Variants in MORC1 observed in about 807,000 individuals in gnomAD.
The protein encoded by MORC1 is MORC family CW-type zinc finger protein 1.
A neutral mutation model predicts 134.9 loss-of-function variants in MORC1; 59 were observed. That is an observed-to-expected ratio of 0.44 (90% CI 0.35 to 0.54). The LOEUF is 0.54. Among genes scored for constraint, MORC1 ranks in the 20% least tolerant of loss-of-function variants. The pLI is 0.00. For synonymous variants in MORC1, 395 were observed against 391.7 expected (o/e 1.01, Z -0.10); for missense variants, 947 against 1,134.5 (o/e 0.83, Z 2.37).
At chr3:109,099,581 T>G in intron 5 of MORC1, 115 bp from the exon 6 acceptor site, 2 of 737,296 alleles carry the variant, frequency 2.7e-6, no homozygotes, top group Non-Finnish European at 4.0e-6. Flanking sequence ...CACTCTGTTC[T>G]GCTGACCCGT....
chr3:109,049,270 G>T, intron 14 of MORC1: 2 of 318,678 alleles, frequency 6.3e-6, no homozygotes, highest in Non-Finnish European at 9.1e-6. Context: ...CATTGTCTAT[G>T]TTTTAAGGAA....
rs5851640 is a variant in MORC1, at chr3:109,072,966, T to C, written c.690-3209A>G. ...ACACACACACACACACACACACACA[T>C]ACACACACACACACACACAGTCACA... On this transcript the variant is annotated intron_variant, in intron 8 of 27. Transcript: ENST00000232603. Among the ~76,000 whole-genome samples, 593 of 136,820 alleles carry C rather than the reference T, an allele frequency of 4.3e-3. 10 individuals carry two copies. Among genetic ancestry groups the C allele is most frequent in the African/African-American group, 0.016 (471 of 29,350 alleles). 89.8% of individuals were successfully genotyped at this position (136,820 alleles called of 152,430 possible).
intron 17 of MORC1, chr3:109,019,043 T>C (rs900356708): frequency 6.6e-6 from 1 of 152,178 alleles, no homozygotes; most frequent in Non-Finnish European, 1.5e-5. Context: ...TCCTCGTGGT[T>C]TCCTGTGCCC....
rs1375972404 is a variant in MORC1 at position 109,005,391 on chromosome 3, C to T, written c.1768-76G>A. ...AATTAATCACCACTTCTCTCATAAC[C>T]TCATTATAATAGGTATTTCTTATTA... On this transcript the variant is annotated intron_variant, in intron 18 of 27. Transcript: ENST00000232603. The T allele has an allele frequency of 5.9e-6, 8 of 1,352,996 alleles. No homozygotes were observed. The South Asian group carries it at 7.7e-5, about 13-fold the overall frequency. The allele number at this position is 1,352,996 out of a possible 1,614,324, so 83.8% of individuals were successfully genotyped here.
At chr3:109,024,238 G>A (rs1331644359) in intron 17 of MORC1, among the ~76,000 whole-genome samples, 1 of 152,116 alleles carries the variant, frequency 6.6e-6, no homozygotes, top group Non-Finnish European at 1.5e-5. Context: ...TATGGTGCTG[G>A]AATTGGGCAA....
At chr3:109,060,519 CA>C in intron 11 of MORC1, among the ~76,000 whole-genome samples, 1 of 151,826 alleles carries the variant, frequency 6.6e-6, no homozygotes, top group Non-Finnish European at 1.5e-5. Flanking sequence ...AGCCTCTTAA[CA>C]TGCTTCATTC....
At chr3:109,059,658 A>G in intron 12 of MORC1, 148 bp downstream of exon 12, 2 of 566,392 alleles carry the variant, frequency 3.5e-6, no homozygotes, top group Non-Finnish European at 6.1e-6. Context: ...TGGTTGTGGG[A>G]ACTTGACTAT....
At chr3:108,987,209 T>A (rs932516822) in intron 21 of MORC1, among the ~76,000 whole-genome samples, 2 of 152,202 alleles carry the variant, frequency 1.3e-5, no homozygotes, top group African/African-American at 2.4e-5. Context: ...TCTACTAATA[T>A]TTGTGCAGAT....
At chr3:108,968,273 A>T (rs1165987093) in intron 26 of MORC1, among the ~76,000 whole-genome samples, 1 of 152,248 alleles carries the variant, frequency 6.6e-6, no homozygotes, top group African/African-American at 2.4e-5. Flanking sequence ...TTTTCAGTTG[A>T]ACAGTAATGG....
Position 108,958,930 on chromosome 3 carries a change from A to G in MORC1, c.*35T>C. The G allele has an allele frequency of 7.3e-7, 1 of 1,369,772 alleles. No homozygotes were observed. 84.9% of individuals were successfully genotyped at this position (1,369,772 alleles called of 1,614,324 possible). A position where few individuals can be genotyped will look rare whatever the true frequency, so the allele number is the denominator to read the frequency against. On this transcript the variant is annotated 3_prime_UTR_variant, in exon 28 of 28. Transcript: ENST00000232603. Reference sequence around the variant, plus strand: ...TTTAAAAGAATCTTCCAATTTTCTTATTAGCATTTTTTAAAAGGTAATACC... The same window carrying G: ...TTTAAAAGAATCTTCCAATTTTCTTGTTAGCATTTTTTAAAAGGTAATACC...
chr3:108,998,911 C>T (rs891180357), intron 21 of MORC1, among the ~76,000 whole-genome samples: 2 of 152,118 alleles, frequency 1.3e-5, no homozygotes, highest in African/African-American at 4.8e-5. Flanking sequence ...TAAATATAAA[C>T]ATCATCTCTA....
chr3:109,033,436 A>C (rs1188302806), intron 15 of MORC1, among the ~76,000 whole-genome samples: 2 of 152,046 alleles, frequency 1.3e-5, no homozygotes, highest in Non-Finnish European at 2.9e-5. Flanking sequence ...TGATTTCTTC[A>C]CCCACTTTCC....
intron 8 of MORC1, among the ~76,000 whole-genome samples, chr3:109,078,553 G>A (rs187973990): frequency 1.1e-3 from 171 of 151,704 alleles, no homozygotes; most frequent in African/African-American, 5.1e-4. Flanking sequence ...ATTATATAAC[G>A]CAGAGGAGAA....
chr3:109,063,313 T>C (rs895738), intron 9 of MORC1, 82 bp from the exon 10 acceptor site: 478,636 of 851,354 alleles, frequency 0.56, 142,344 homozygotes, highest in East Asian at 0.92. Context: ...TAAGACTATA[T>C]GCTCCAGAGA....
intron 17 of MORC1, among the ~76,000 whole-genome samples, chr3:109,025,566 A>G (rs375440607): frequency 1.1e-3 from 172 of 151,582 alleles, no homozygotes; most frequent in African/African-American, 4.0e-3. Flanking sequence ...TATTTTCTGT[A>G]GAGATGATGT....
At chr3:108,974,243 A>G (rs1947486211) in intron 24 of MORC1, among the ~76,000 whole-genome samples, 1 of 152,156 alleles carries the variant, frequency 6.6e-6, no homozygotes, top group Admixed American at 6.5e-5. Flanking sequence ...AAACACAAAC[A>G]CACAGGCCTT....
intron 16 of MORC1, among the ~76,000 whole-genome samples, chr3:109,029,770 T>G (rs1949195208): frequency 6.6e-6 from 1 of 152,198 alleles, no homozygotes; most frequent in South Asian, 2.1e-4. Flanking sequence ...GTAAGATGTA[T>G]TTTGTCCACT....
intron 3 of MORC1, among the ~76,000 whole-genome samples, chr3:109,106,319 C>T (rs189113872): frequency 2.0e-5 from 3 of 152,144 alleles, no homozygotes; most frequent in African/African-American, 4.8e-5. Flanking sequence ...CTTCAGTAAA[C>T]GGCTGGGAAA....
intron 12 of MORC1, among the ~76,000 whole-genome samples, chr3:109,059,510 T>G (rs1004858515): frequency 9.2e-5 from 14 of 152,172 alleles, no homozygotes; most frequent in Non-Finnish European, 1.3e-4. Flanking sequence ...TCACTTTCAC[T>G]TCCTCATCCA....
Sources: gnomAD v4.1 joint callset for allele counts (sites outside exome capture counted in the v4.1 genomes callset) on GRCh38, gnomAD v4.1.1 for gene constraint, MANE v1.5 for transcripts, NCBI Gene and HGNC (gene_info 2026-07-23, HGNC 2026-07-21) for gene names.